The following PIAS4 variants were observed in gnomAD, a reference collection of about 807,000 sequenced individuals.
PIAS4 encodes the protein E3 SUMO-protein ligase PIAS4.
PIAS4 carries 7 observed loss-of-function variants against 58.0 expected under a neutral mutation model. The observed-to-expected ratio is 0.12, with a 90% confidence interval of 0.07 to 0.23. The LOEUF is 0.23. PIAS4 is among the 10% of genes least tolerant of loss of function. PIAS4 has a pLI of 1.00. For synonymous variants in PIAS4, 364 were observed against 312.4 expected, an observed-to-expected ratio of 1.17 and a Z score of -1.74; for missense variants, 550 against 709.5, an observed-to-expected ratio of 0.78 and a Z score of 2.55.
chr19:4,020,042 G>A (rs973262165), intron 2 of PIAS4, among the ~76,000 whole-genome samples: 1 of 151,806 alleles, frequency 6.6e-6, no homozygotes, highest in African/African-American at 2.4e-5. Flanking sequence ...TCAGCCTCCC[G>A]AGTAGCTGGG....
Position 4,013,891 on chromosome 19 carries a change from G to A in PIAS4, c.454+542G>A, listed in dbSNP as rs1329728768. ...GGAGCCCTTTTTATAACCCAACCTC[G>A]GACACGCCTCGCCATCTCCCCCACA... On this transcript the variant is annotated intron_variant, in intron 2 of 10. Coordinates refer to ENST00000262971, the MANE Select transcript of PIAS4 (RefSeq NM_015897.4). This position sits in a 1 kb window ranked among gnomAD's most constrained non-coding sequence, Gnocchi z 5.1. 1.3e-5 allele frequency among the ~76,000 whole-genome samples: 2 copies of A among 152,028 alleles called. No individual in the cohort carries two copies. Among genetic ancestry groups the A allele is most frequent in the African/African-American group, 2.4e-5 (1 of 41,400 alleles).
intron 2 of PIAS4, among the ~76,000 whole-genome samples, chr19:4,023,823 A>G (rs2040134983): frequency 6.6e-6 from 1 of 152,242 alleles, no homozygotes; most frequent in African/African-American, 2.4e-5. Flanking sequence ...TCAACAGGAC[A>G]CAGGCCATGG....
intron 9 of PIAS4, 147 bp downstream of exon 9, chr19:4,033,727 C>G: frequency 1.5e-6 from 1 of 671,682 alleles, no homozygotes; most frequent in Non-Finnish European, 2.5e-6. Flanking sequence ...CCCCGGGCTG[C>G]GAAAAGAGCC....
intron 3 of PIAS4, 61 bp from the exon 4 acceptor site, chr19:4,028,085 G>C: frequency 2.0e-6 from 3 of 1,531,198 alleles, no homozygotes; most frequent in Non-Finnish European, 2.7e-6. Context: ...GGGTGGGCTG[G>C]GGTCACGCCC....
chr19:4,024,424 G>A (rs1025839912), intron 3 of PIAS4, among the ~76,000 whole-genome samples: 10 of 152,218 alleles, frequency 6.6e-5, no homozygotes, highest in African/African-American at 2.2e-4. Flanking sequence ...GAGCGGAGGA[G>A]CATTCCTCGC....
intron 1 of PIAS4, among the ~76,000 whole-genome samples, chr19:4,012,526 G>C (rs147758776): frequency 2.0e-4 from 30 of 152,288 alleles, no homozygotes; most frequent in Non-Finnish European, 3.7e-4. Flanking sequence ...TTATCCTCCC[G>C]ACGTAGAGAC....
chr19:4,023,890 G>A (rs1163029184), intron 2 of PIAS4, 146 bp from the exon 3 acceptor site: 12 of 641,324 alleles, frequency 1.9e-5, no homozygotes, highest in South Asian at 1.2e-4. Flanking sequence ...CTTCCTGGGC[G>A]GCCCCCACCT....
Position 4,037,299 on chromosome 19 carries a change from G to T in PIAS4, c.1143-75G>T. On this transcript the variant is annotated intron_variant, in intron 9 of 10. Coordinates refer to ENST00000262971, the MANE Select transcript of PIAS4 (RefSeq NM_015897.4). The surrounding 1 kb of genome is among the most constrained non-coding windows in gnomAD (Gnocchi z 5.8). Reference sequence around the variant, plus strand: ...AGTGGGGAGTGCCTGGCTGCATCCGGGAGGGATGGAGGGCTGGGGAGTTGG... The same window carrying T: ...AGTGGGGAGTGCCTGGCTGCATCCGTGAGGGATGGAGGGCTGGGGAGTTGG... The T allele has an allele frequency of 5.9e-6, 9 of 1,527,456 alleles. No homozygotes were observed. Among genetic ancestry groups the T allele is most frequent in the Non-Finnish European group, 7.9e-6 (9 of 1,133,830 alleles). 94.6% of individuals were successfully genotyped at this position (1,527,456 alleles called of 1,614,324 possible).
In PIAS4 at chr19:4,014,177, G is replaced by A. The variant is rs558276064; in HGVS notation, c.454+828G>A. On this transcript the variant is annotated intron_variant, in intron 2 of 10. Coordinates refer to ENST00000262971, the MANE Select transcript of PIAS4 (RefSeq NM_015897.4). ...CTGGGGGTTCAGGGCGATCCCAGGC[G>A]GAGGAGAGGTGCTGGGCTCCACGCT... Among the ~76,000 whole-genome samples the A allele has an allele frequency of 1.3e-3, 200 of 152,290 alleles. 2 individuals are homozygous for A. Among genetic ancestry groups the A allele is most frequent in the African/African-American group, 4.2e-3 (174 of 41,566 alleles).
chr19:4,011,503 C>T (rs2039991731), intron 1 of PIAS4, among the ~76,000 whole-genome samples: 2 of 152,258 alleles, frequency 1.3e-5, no homozygotes, highest in South Asian at 4.1e-4. Flanking sequence ...GCTGGAGAGG[C>T]CCGGCCAGGC....
intron 3 of PIAS4, among the ~76,000 whole-genome samples, chr19:4,024,331 C>T (rs914362430): frequency 1.3e-5 from 2 of 152,240 alleles, no homozygotes; most frequent in African/African-American, 4.8e-5. Flanking sequence ...TGCCTGTGCC[C>T]TGCAGCCTGC....
At chr19:4,033,024 G>A (rs531023191) in intron 7 of PIAS4, 76 bp from the exon 8 acceptor site, 16 of 1,181,322 alleles carry the variant, frequency 1.4e-5, no homozygotes, top group African/African-American at 7.5e-5. Flanking sequence ...CGTCAGTGCC[G>A]GAGAGAACTC....
chr19:4,022,266 T>C (rs2040117446), intron 2 of PIAS4, among the ~76,000 whole-genome samples: 1 of 152,232 alleles, frequency 6.6e-6, no homozygotes. Context: ...ACTATTGTTC[T>C]TTCATTTCTG....
intron 1 of PIAS4, among the ~76,000 whole-genome samples, chr19:4,010,370 C>G (rs778695653): frequency 3.5e-4 from 53 of 152,350 alleles, no homozygotes; most frequent in Non-Finnish European, 6.0e-4. Context: ...AGCAGGTTCC[C>G]CAGCCCACCT....
In PIAS4 at chr19:4,024,911, G is replaced by A. The variant is rs1279202750; in HGVS notation, c.539+791G>A. Reference sequence around the variant, plus strand: ...CTCCCAAGTAGCTGGGATTACAGGCGCTCACTACCACGCCCGGCTAATCTT... The same window carrying A: ...CTCCCAAGTAGCTGGGATTACAGGCACTCACTACCACGCCCGGCTAATCTT... On this transcript the variant is annotated intron_variant, in intron 3 of 10. Transcript: ENST00000262971. Among the ~76,000 whole-genome samples the A allele has an allele frequency of 2.0e-5, 3 of 152,070 alleles. 1 individual carries two copies. Among genetic ancestry groups the A allele is most frequent in the Admixed American group, 1.3e-4 (2 of 15,262 alleles).
At chr19:4,034,602 C>T (rs957456678) in intron 9 of PIAS4, among the ~76,000 whole-genome samples, 4 of 152,346 alleles carry the variant, frequency 2.6e-5, no homozygotes, top group African/African-American at 7.2e-5. Flanking sequence ...TCCTTTGGGC[C>T]GGGCACGTGG....
At chr19:4,035,420 C>T (rs916570867) in intron 9 of PIAS4, among the ~76,000 whole-genome samples, 1 of 152,146 alleles carries the variant, frequency 6.6e-6, no homozygotes. Context: ...GGGAGCAGAA[C>T]CAGGGCCTGC....
Position 4,039,251 on chromosome 19 carries a change from T to C in PIAS4, c.*1376T>C, listed in dbSNP as rs989450158. The C allele has an allele frequency of 3.9e-5, 6 of 151,994 alleles. No homozygotes were observed. The highest frequency in any genetic ancestry group is 8.8e-5 in the Non-Finnish European group (6 of 68,046). The allele number at this position is 151,994 out of a possible 1,614,324, so 9.4% of individuals were successfully genotyped here. A position where few individuals can be genotyped will look rare whatever the true frequency, so the allele number is the denominator to read the frequency against. On this transcript the variant is annotated 3_prime_UTR_variant, in exon 11 of 11. Transcript: ENST00000262971. ...CTGGCCGAGGGCAGTTCAGTCTCAC[T>C]GCAGAGCCCGCAGCCCGCTGCGCAG...
At chr19:4,024,235 C>T in intron 3 of PIAS4, 115 bp downstream of exon 3, 1 of 767,500 alleles carries the variant, frequency 1.3e-6, no homozygotes, top group Admixed American at 2.0e-5. Context: ...GGGCTCAGTC[C>T]AGAACCGTGC....
Sources: gnomAD v4.1 joint callset for allele counts (sites outside exome capture counted in the v4.1 genomes callset) on GRCh38, gnomAD v4.1.1 for gene constraint, Gnocchi (gnomAD v3.1) non-coding constraint, MANE v1.5 for transcripts, NCBI Gene and HGNC (gene_info 2026-07-23, HGNC 2026-07-21) for gene names.